The following SH3D19 variants were observed in gnomAD, a reference collection of about 807,000 sequenced individuals.
SH3D19 encodes SH3 domain-containing protein 19.
A neutral mutation model predicts 112.1 loss-of-function variants in SH3D19; 58 were observed. That is an observed-to-expected ratio of 0.52 (90% CI 0.42 to 0.64). SH3D19 has a LOEUF of 0.64. Ranked by LOEUF, SH3D19 falls within the 30% of genes least tolerant of loss-of-function variation. The pLI is 0.00. For missense variants in SH3D19, 1,090 were observed against 1,263.4 expected, an observed-to-expected ratio of 0.86 and a Z score of 2.08; for synonymous variants, 391 against 448.5, an observed-to-expected ratio of 0.87 and a Z score of 1.62.
At chr4:151,139,074 C>T (rs568216297) in intron 13 of SH3D19, among the ~76,000 whole-genome samples, 12 of 152,178 alleles carry the variant, frequency 7.9e-5, no homozygotes, top group African/African-American at 2.6e-4. Flanking sequence ...ATCCATCCGC[C>T]TCGGCCTCAC....
intron 17 of SH3D19, among the ~76,000 whole-genome samples, chr4:151,131,555 T>C (rs915794959): frequency 6.6e-6 from 1 of 151,870 alleles, no homozygotes; most frequent in Non-Finnish European, 1.5e-5. Context: ...GGCGCAATCT[T>C]GGCTCACTGC....
At chr4:151,289,629 G>A (rs1371288278) in intron 1 of SH3D19, among the ~76,000 whole-genome samples, 1 of 152,152 alleles carries the variant, frequency 6.6e-6, no homozygotes, top group African/African-American at 2.4e-5. Flanking sequence ...AGAGAAATTG[G>A]AGCCTTCTAA....
intron 1 of SH3D19, among the ~76,000 whole-genome samples, chr4:151,235,217 G>C (rs1385561754): frequency 6.6e-6 from 1 of 152,066 alleles, no homozygotes; most frequent in Non-Finnish European, 1.5e-5. Flanking sequence ...AGGACCTAGT[G>C]TCCATTGTTC....
intron 1 of SH3D19, among the ~76,000 whole-genome samples, chr4:151,285,179 G>A (rs2150012089): frequency 6.6e-6 from 1 of 152,288 alleles, no homozygotes; most frequent in Non-Finnish European, 1.5e-5. Context: ...ACTGCCTTCA[G>A]AGAGTAGCCT....
At chr4:151,229,479 G>C (rs937796032) in intron 1 of SH3D19, among the ~76,000 whole-genome samples, 1 of 151,998 alleles carries the variant, frequency 6.6e-6, no homozygotes, top group African/African-American at 2.4e-5. Flanking sequence ...ACCATGTAAT[G>C]GTTTTATAGA....
intron 1 of SH3D19, among the ~76,000 whole-genome samples, chr4:151,321,842 T>C (rs1011049160): frequency 6.6e-6 from 1 of 152,226 alleles, no homozygotes; most frequent in Admixed American, 6.5e-5. Context: ...CAGATACATG[T>C]GGCAAAAGTT....
Position 151,181,080 on chromosome 4 carries a change from A to G in SH3D19, c.194-1683T>C, listed in dbSNP as rs561475478. ...GAGCCACCACGCCCGGCCTACCTCT[A>G]TTTTTCATGGAACATATTCTAAAGA... On this transcript the variant is annotated intron_variant, in intron 3 of 19. Transcript: ENST00000604030. Among the ~76,000 whole-genome samples the G allele has an allele frequency of 5.9e-5, 9 of 151,812 alleles. No homozygotes were observed. In the East Asian group the frequency reaches 1.4e-3, roughly 23 times the overall value.
chr4:151,195,197 C>T (rs558487243), intron 2 of SH3D19, among the ~76,000 whole-genome samples: 4 of 150,914 alleles, frequency 2.7e-5, no homozygotes, highest in African/African-American at 4.9e-5. Flanking sequence ...GGTGAAACCT[C>T]GTCTCTATTA....
intron 1 of SH3D19, among the ~76,000 whole-genome samples, chr4:151,312,448 G>A (rs191132171): frequency 1.3e-5 from 2 of 152,260 alleles, no homozygotes; most frequent in East Asian, 1.9e-4. Flanking sequence ...CTGAGGGTGG[G>A]GTCATGAGCA....
At position 151,234,766 on chromosome 4, in the gene SH3D19, T is replaced by TTG. The variant is rs374882479; in HGVS notation, c.113-8681_113-8680insCA. Among the ~76,000 whole-genome samples the TTG allele has an allele frequency of 3.5e-3, 307 of 87,142 alleles. 41 individuals are homozygous for TTG. The highest frequency in any genetic ancestry group is 0.014 in the African/African-American group (276 of 19,508). 57.2% of individuals were successfully genotyped at this position (87,142 alleles called of 152,430 possible). A position where few individuals can be genotyped will look rare whatever the true frequency, so the allele number is the denominator to read the frequency against. The stretch of plus-strand genomic sequence containing the variant: ...TTTTTTTTTTTTTTTTTTTTTTTTT[T>TTG]AGACAGGGGCTCACTCCGTCACTCA... On this transcript the variant is annotated intron_variant, in intron 1 of 19. Coordinates refer to ENST00000604030, the MANE Select transcript of SH3D19 (RefSeq NM_001378122.1).
At chr4:151,307,461 C>A (rs1163825173) in intron 1 of SH3D19, among the ~76,000 whole-genome samples, 1 of 152,234 alleles carries the variant, frequency 6.6e-6, no homozygotes, top group Admixed American at 6.5e-5. Context: ...CCCTCGTGAG[C>A]CCAAAAAGCC....
At chr4:151,316,583 A>AT (rs528080917) in intron 1 of SH3D19, among the ~76,000 whole-genome samples, 48 of 151,532 alleles carry the variant, frequency 3.2e-4, no homozygotes, top group South Asian at 1.0e-3. Flanking sequence ...TAATTTTTTT[A>AT]TTTTTTTCTT....
At chr4:151,236,991 GCAA>G (rs940155357) in intron 1 of SH3D19, among the ~76,000 whole-genome samples, 3 of 152,204 alleles carry the variant, frequency 2.0e-5, no homozygotes, top group Non-Finnish European at 2.9e-5. Flanking sequence ...GCCAGCAGCA[GCAA>G]CATGCTGAAG....
At chr4:151,296,148 C>A (rs79701182) in intron 1 of SH3D19, among the ~76,000 whole-genome samples, 17,643 of 151,866 alleles carry the variant, frequency 0.12, 1,504 homozygotes, top group African/African-American at 0.23. Context: ...GTATGGTATG[C>A]GATTTATAAC....
rs149760268 is a variant in SH3D19 at position 151,195,525 on chromosome 4, A to G, written c.153-8062T>C. On this transcript the variant is annotated intron_variant, in intron 2 of 19. Transcript: ENST00000604030. Reference sequence around the variant, plus strand: ...ACATGGCCCCTGCCCATAGGTGCTCATAGGTGCTCATGGTCTAGTGAGAAG... The same window carrying G: ...ACATGGCCCCTGCCCATAGGTGCTCGTAGGTGCTCATGGTCTAGTGAGAAG... Among the ~76,000 whole-genome samples, 71 of 152,248 alleles carry G rather than the reference A, an allele frequency of 4.7e-4. No homozygotes were observed. In the East Asian group the frequency reaches 0.012, roughly 25 times the overall value.
In SH3D19 at chr4:151,256,665, T is replaced by A. The variant is rs1771943892; in HGVS notation, c.113-30579A>T. Among the ~76,000 whole-genome samples the A allele has an allele frequency of 1.3e-5, 2 of 151,012 alleles. 1 individual carries two copies. Among genetic ancestry groups the A allele is most frequent in the South Asian group, 4.2e-4 (2 of 4,794 alleles). ...GTATTGTTCTTATTATCTGATGATA[T>A]AAGGTGTATGGTACACTTTTGTTTT... On this transcript the variant is annotated intron_variant, in intron 1 of 19. Coordinates refer to ENST00000604030, the MANE Select transcript of SH3D19 (RefSeq NM_001378122.1).
chr4:151,131,368 T>C (rs1280192719), intron 17 of SH3D19, among the ~76,000 whole-genome samples: 1 of 152,178 alleles, frequency 6.6e-6, no homozygotes, highest in Non-Finnish European at 1.5e-5. Context: ...CTTTGTTAAC[T>C]GAATAGGTTA....
chr4:151,167,083 C>T (rs1313284095), intron 7 of SH3D19, among the ~76,000 whole-genome samples: 1 of 151,462 alleles, frequency 6.6e-6, no homozygotes, highest in Non-Finnish European at 1.5e-5. Flanking sequence ...AAATAGATGA[C>T]TCCTCTGTGG....
Position 151,165,769 on chromosome 4 carries a change from TAA to T in SH3D19, c.1535-75_1535-74del, listed in dbSNP as rs758300108. The T allele has an allele frequency of 8.4e-6, 11 of 1,313,610 alleles. No individual in the cohort carries two copies. The South Asian group carries it at 1.2e-4, about 15-fold the overall frequency. 81.4% of individuals were successfully genotyped at this position (1,313,610 alleles called of 1,614,324 possible). A position where few individuals can be genotyped will look rare whatever the true frequency, so the allele number is the denominator to read the frequency against. On this transcript the variant is annotated intron_variant, in intron 7 of 19. Coordinates refer to ENST00000604030, the MANE Select transcript of SH3D19 (RefSeq NM_001378122.1). ...GAAACAAAAAACCTCATTCATAATT[TAA>T]GAGTCATATTTTTCATGCCCCTGGG...
Sources: gnomAD v4.1 joint callset for allele counts (sites outside exome capture counted in the v4.1 genomes callset) on GRCh38, gnomAD v4.1.1 for gene constraint, MANE v1.5 for transcripts, NCBI Gene and HGNC (gene_info 2026-07-23, HGNC 2026-07-21) for gene names.